Variants in STOX2 observed in about 807,000 individuals in gnomAD.
The protein encoded by STOX2 is storkhead box 2, also known as storkhead-box protein 2.
A neutral mutation model predicts 60.9 loss-of-function variants in STOX2; 28 were observed. The ratio of observed to expected loss-of-function variants is 0.46; its 90% confidence interval spans 0.34 to 0.63. STOX2 has a LOEUF of 0.63. STOX2 is among the 30% of genes least tolerant of loss of function. The probability of loss-of-function intolerance (pLI) is 0.01; values close to 1 mark genes in which losing one functional copy is unlikely to be tolerated. For synonymous variants in STOX2, 472 were observed against 463.9 expected (o/e 1.02, Z -0.22); for missense variants, 1,024 against 1,187.7 (o/e 0.86, Z 2.03).
chr4:184,002,238 T>C (rs1733622243), intron 2 of STOX2, among the ~76,000 whole-genome samples: 1 of 152,252 alleles, frequency 6.6e-6, no homozygotes, highest in Non-Finnish European at 1.5e-5. Flanking sequence ...AATGTCTGTG[T>C]GCCAGCAACA....
chr4:183,907,453 A>G (rs932912340), intron 1 of STOX2, among the ~76,000 whole-genome samples: 12 of 152,262 alleles, frequency 7.9e-5, no homozygotes, highest in African/African-American at 2.9e-4. Flanking sequence ...CACGCAGAGA[A>G]CTGTGTTGGA....
At chr4:183,900,673 G>A (rs1741441869), upstream of STOX2, among the ~76,000 whole-genome samples, 1 of 152,022 alleles carries the variant, frequency 6.6e-6, no homozygotes, top group Non-Finnish European at 1.5e-5. Context: ...TATTCTATTT[G>A]TAAATTTTGT....
intron 1 of STOX2, among the ~76,000 whole-genome samples, chr4:183,860,592 A>C (rs2111153404): frequency 6.6e-6 from 1 of 152,320 alleles, no homozygotes. Flanking sequence ...TGTAAAGAAA[A>C]TCAGGAATAT....
At chr4:183,841,183 T>TATC (rs1560840555) in intron 1 of STOX2, among the ~76,000 whole-genome samples, 129 of 104,618 alleles carry the variant, frequency 1.2e-3, no homozygotes, top group Non-Finnish European at 2.0e-3. Flanking sequence ...ATCGTAGTAT[T>TATC]TATTTATTTA....
chr4:183,950,940 G>A (rs1018642530), intron 1 of STOX2, among the ~76,000 whole-genome samples: 4 of 152,182 alleles, frequency 2.6e-5, no homozygotes, highest in African/African-American at 9.6e-5. Flanking sequence ...GTGCGGCCGG[G>A]CGCGGTGGCT....
intron 1 of STOX2, among the ~76,000 whole-genome samples, chr4:183,960,582 A>G (rs1056424833): frequency 5.3e-5 from 8 of 152,196 alleles, no homozygotes; most frequent in Admixed American, 2.0e-4. Flanking sequence ...GACAATATCT[A>G]TTGGTGGATA....
intron 1 of STOX2, among the ~76,000 whole-genome samples, chr4:183,882,131 C>T (rs1040172030): frequency 6.6e-6 from 1 of 152,222 alleles, no homozygotes; most frequent in African/African-American, 2.4e-5. Context: ...TGGAAAATCA[C>T]AGTGAAAATG....
chr4:183,988,969 C>T (rs1277963672), intron 1 of STOX2, among the ~76,000 whole-genome samples: 1 of 152,156 alleles, frequency 6.6e-6, no homozygotes, highest in Non-Finnish European at 1.5e-5. Context: ...TCCAGGTCCT[C>T]CCACTGTGGG....
At chr4:183,953,829 G>T (rs1417798295) in intron 1 of STOX2, among the ~76,000 whole-genome samples, 1 of 152,128 alleles carries the variant, frequency 6.6e-6, no homozygotes, top group Admixed American at 6.5e-5. Context: ...GCCTCCCAAA[G>T]TGCTGGGATT....
chr4:183,912,059 C>T (rs1223960532), intron 1 of STOX2, among the ~76,000 whole-genome samples: 2 of 152,138 alleles, frequency 1.3e-5, no homozygotes, highest in African/African-American at 4.8e-5. Context: ...GCGTGTGCAA[C>T]CAGTCAGTCA....
In STOX2 at chr4:183,905,854, G is replaced by C. The variant is rs2111079166; in HGVS notation, c.-937G>C. ...TGCCGCCGCGCGGGGGTCGATCGCA[G>C]GCTCGGCGTCCTTGGCAGCCATGGC... On this transcript the variant is annotated 5_prime_UTR_variant, in exon 1 of 4. Coordinates refer to ENST00000308497, the MANE Select transcript of STOX2 (RefSeq NM_020225.3). 1 of 152,368 alleles carries C rather than the reference G, an allele frequency of 6.6e-6. No individual in the cohort carries two copies. The highest frequency in any genetic ancestry group is 2.1e-4 in the South Asian group (1 of 4,830). The allele number at this position is 152,368 out of a possible 1,614,324, so 9.4% of individuals were successfully genotyped here. A position where few individuals can be genotyped will look rare whatever the true frequency, so the allele number is the denominator to read the frequency against.
Position 183,825,882 on chromosome 4 carries a change from T to C in STOX2, c.364+27827T>C, listed in dbSNP as rs973208602. Among the ~76,000 whole-genome samples the C allele has an allele frequency of 6.6e-6, 1 of 152,128 alleles. No individual in the cohort carries two copies. Among genetic ancestry groups the C allele is most frequent in the Non-Finnish European group, 1.5e-5 (1 of 68,000 alleles). ...TCTGGGAACGAGTATGGCAGTCAGTTTGGCAAATGATGGGGAGAAGGCGCG... is the reference window on the plus strand; with the variant it reads ...TCTGGGAACGAGTATGGCAGTCAGTCTGGCAAATGATGGGGAGAAGGCGCG... On this transcript the variant is annotated intron_variant, in intron 1 of 2. Transcript: ENST00000513034. This position sits in a 1 kb window ranked among gnomAD's most constrained non-coding sequence, Gnocchi z 4.1.
In STOX2 at chr4:183,964,336, G is replaced by T. The variant is rs189552004; in HGVS notation, c.167-36989G>T. 5.1e-3 allele frequency among the ~76,000 whole-genome samples: 777 copies of T among 152,278 alleles called. 7 individuals are homozygous for T. Among genetic ancestry groups the T allele is most frequent in the African/African-American group, 0.017 (704 of 41,538 alleles). On this transcript the variant is annotated intron_variant, in intron 1 of 3. Transcript: ENST00000308497. ...CTATGGTGCATTTTACACATTGTGT[G>T]GTTGTAGTATGTCAAATCCTTTTTT...
intron 1 of STOX2, among the ~76,000 whole-genome samples, chr4:183,940,385 G>A (rs1396402214): frequency 6.6e-6 from 1 of 152,220 alleles, no homozygotes; most frequent in Non-Finnish European, 1.5e-5. Flanking sequence ...CAACTTCGTA[G>A]CAATATGAAA....
At chr4:183,908,527 C>A (rs1741682102) in intron 1 of STOX2, among the ~76,000 whole-genome samples, 1 of 151,672 alleles carries the variant, frequency 6.6e-6, no homozygotes, top group African/African-American at 2.4e-5. Flanking sequence ...GGGTTGGTGG[C>A]CATCATTTCA....
chr4:183,939,806 G>A (rs937375692), intron 1 of STOX2, among the ~76,000 whole-genome samples: 2 of 152,174 alleles, frequency 1.3e-5, no homozygotes, highest in African/African-American at 2.4e-5. Context: ...TCATCTGCAA[G>A]ATGACATAAT....
rs1444416642 is a variant in STOX2 at position 183,856,185 on chromosome 4, G to C, written c.364+58130G>C. Among the ~76,000 whole-genome samples the C allele has an allele frequency of 6.6e-6, 1 of 152,122 alleles. No individual in the cohort carries two copies. The highest frequency in any genetic ancestry group is 1.5e-5 in the Non-Finnish European group (1 of 68,034). ...GACACTGAGGCCCATTTAGTGTATT[G>C]AAGCAATCATTTATCAGATAGGACC... On this transcript the variant is annotated intron_variant, in intron 1 of 2. Transcript: ENST00000513034. This position sits in a 1 kb window ranked among gnomAD's most constrained non-coding sequence, Gnocchi z 4.0.
chr4:183,995,952 C>T (rs943338025), intron 1 of STOX2, among the ~76,000 whole-genome samples: 10 of 152,172 alleles, frequency 6.6e-5, no homozygotes, highest in East Asian at 1.9e-4. Flanking sequence ...ATCATCCACC[C>T]GGCTACTCTT....
At chr4:183,994,706 G>A (rs1219619142) in intron 1 of STOX2, among the ~76,000 whole-genome samples, 13 of 152,142 alleles carry the variant, frequency 8.5e-5, no homozygotes, top group Admixed American at 8.5e-4. Context: ...TAAGAGACTG[G>A]GTACTTATCA....
Sources: gnomAD v4.1 joint callset for allele counts (sites outside exome capture counted in the v4.1 genomes callset) on GRCh38, gnomAD v4.1.1 for gene constraint, Gnocchi (gnomAD v3.1) non-coding constraint, MANE v1.5 for transcripts, NCBI Gene and HGNC (gene_info 2026-07-23, HGNC 2026-07-21) for gene names.